Variants in LYZL1 observed in about 807,000 individuals in gnomAD.
LYZL1 encodes the protein lysozyme-like protein 1.
In LYZL1, 16 loss-of-function variants were observed where a neutral mutation model predicts 17.9. That is an observed-to-expected ratio of 0.90 (90% confidence interval 0.61 to 1.36). The LOEUF (loss-of-function observed/expected upper bound fraction) is 1.36. LYZL1 is among the 40% of genes most tolerant of loss of function. The pLI, the probability that LYZL1 is intolerant of heterozygous loss-of-function variation, is 0.00. For missense variants in LYZL1, 149 were observed against 188.4 expected (o/e 0.79, Z 1.22); for synonymous variants, 58 against 71.8 (o/e 0.81, Z 0.97).
intron 3 of LYZL1, among the ~76,000 whole-genome samples, chr10:29,309,195 G>A (rs563586900): frequency 5.9e-4 from 89 of 152,028 alleles, no homozygotes; most frequent in African/African-American, 1.6e-3. Context: ...CCAGCATGGT[G>A]GCACACACCT....
chr10:29,312,204 C>T (rs6481576), downstream of LYZL1, among the ~76,000 whole-genome samples: 15,155 of 152,024 alleles, frequency 0.1, 984 homozygotes, highest in African/African-American at 0.19. Context: ...TCTAATGGGT[C>T]CAAACAGATA....
At chr10:29,295,615 C>T (rs1835436657) in intron 3 of LYZL1, among the ~76,000 whole-genome samples, 1 of 152,160 alleles carries the variant, frequency 6.6e-6, no homozygotes, top group Non-Finnish European at 1.5e-5. Flanking sequence ...AGGAACTTTG[C>T]AGATGTGAGG....
chr10:29,290,098 GT>G (rs1177663158), intron 1 of LYZL1, among the ~76,000 whole-genome samples: 1 of 152,096 alleles, frequency 6.6e-6, no homozygotes, highest in African/African-American at 2.4e-5. Flanking sequence ...ACTTATCCCT[GT>G]TTTGGGCCTA....
intron 3 of LYZL1, among the ~76,000 whole-genome samples, chr10:29,299,809 G>T (rs1576079): frequency 0.4 from 60,397 of 151,882 alleles, 12,452 homozygotes; most frequent in East Asian, 0.53. Flanking sequence ...AACCCATCTG[G>T]GTCTTTATAT....
chr10:29,296,520 T>C (rs1320522620), intron 3 of LYZL1, among the ~76,000 whole-genome samples: 1 of 152,214 alleles, frequency 6.6e-6, no homozygotes, highest in Non-Finnish European at 1.5e-5. Context: ...TCACTCACCC[T>C]GGCAGAATAC....
At chr10:29,307,584 C>A (rs1455089599) in intron 3 of LYZL1, among the ~76,000 whole-genome samples, 1 of 152,206 alleles carries the variant, frequency 6.6e-6, no homozygotes, top group Non-Finnish European at 1.5e-5. Context: ...ATACAGCTCT[C>A]AATGGATATT....
chr10:29,305,510 T>G (rs1835577575), intron 3 of LYZL1, among the ~76,000 whole-genome samples: 1 of 152,128 alleles, frequency 6.6e-6, no homozygotes, highest in African/African-American at 2.4e-5. Context: ...CTGATGGAGA[T>G]TTTGCGTGAA....
intron 1 of LYZL1, among the ~76,000 whole-genome samples, chr10:29,289,819 A>T (rs1190818718): frequency 6.6e-6 from 1 of 152,184 alleles, no homozygotes; most frequent in Non-Finnish European, 1.5e-5. Flanking sequence ...GCCAGATAAT[A>T]ATATGTTAGG....
rs1835665273 is a variant in LYZL1, at chr10:29,311,063, G to A, written c.*4G>A. The A allele has an allele frequency of 8.7e-6, 14 of 1,614,202 alleles. No individual in the cohort carries two copies. The highest frequency in any genetic ancestry group is 1.2e-5 in the Non-Finnish European group (14 of 1,180,028). On this transcript the variant is annotated 3_prime_UTR_variant, in exon 5 of 5. Transcript: ENST00000649382. ...AAAAGGCTGTGAGGTTTCCTAAACT[G>A]GAACTGGACCCAGGATGCTTTGCAG...
rs370212397 is a variant in LYZL1 at position 29,310,079 on chromosome 10, G to A, written c.299-31G>A. 2.0e-5 allele frequency: 31 copies of A among 1,538,442 alleles called. 1 individual carries two copies. Among genetic ancestry groups the A allele is most frequent in the East Asian group, 4.5e-5 (2 of 44,238 alleles). On this transcript the variant is annotated intron_variant, in intron 3 of 4. Coordinates refer to ENST00000649382, the MANE Select transcript of LYZL1 (RefSeq NM_032517.6). Reference sequence around the variant, plus strand: ...GGTCCCTCTCCAACAACAAAGTCTCGCCTAACCCTGATGTCTTCTCTCTTT... The same window carrying A: ...GGTCCCTCTCCAACAACAAAGTCTCACCTAACCCTGATGTCTTCTCTCTTT...
Position 29,316,970 on chromosome 10 carries a change from A to C in LYZL1, c.*-340A>C, listed in dbSNP as rs78049329. Among the ~76,000 whole-genome samples, 52 of 152,180 alleles carry C rather than the reference A, an allele frequency of 3.4e-4. No homozygotes were observed. In the East Asian group the frequency reaches 9.8e-3, roughly 29 times the overall value. On this transcript the variant is annotated intron_variant and NMD_transcript_variant, in intron 3 of 4. Coordinates refer to the LYZL1 transcript ENST00000494304. ...TGGGCTCAAGCGATCCTCCCACCTC[A>C]GCCTTCCAAATTGCTGGGGTTAAAG...
chr10:29,316,708 TTTTTTTTTTTC>T (rs1835736895), intron 3 of LYZL1, among the ~76,000 whole-genome samples: 1 of 101,122 alleles, frequency 9.9e-6, no homozygotes, highest in Admixed American at 9.5e-5. Context: ...TTCCTTTTCC[TTTTTTTTTTTC>T]TTTTTTTTTT....
chr10:29,304,974 G>A (rs1239060392), intron 3 of LYZL1, among the ~76,000 whole-genome samples: 2 of 151,908 alleles, frequency 1.3e-5, no homozygotes, highest in East Asian at 1.9e-4. Context: ...ATCCTTACAG[G>A]GCATCCACAA....
chr10:29,308,722 GCCA>G (rs1835631008), intron 3 of LYZL1, among the ~76,000 whole-genome samples: 1 of 152,226 alleles, frequency 6.6e-6, no homozygotes, highest in South Asian at 2.1e-4. Context: ...CACTTTGGGA[GCCA>G]AGGCAGGAGG....
intron 3 of LYZL1, among the ~76,000 whole-genome samples, chr10:29,304,916 G>C (rs534011049): frequency 6.6e-6 from 1 of 152,272 alleles, no homozygotes; most frequent in African/African-American, 2.4e-5. Flanking sequence ...ACAAACAACT[G>C]TACTCGGTGT....
chr10:29,312,974 A>G (rs907351924), downstream of LYZL1, among the ~76,000 whole-genome samples: 4 of 152,140 alleles, frequency 2.6e-5, no homozygotes, highest in African/African-American at 9.6e-5. Context: ...AGACTGATGG[A>G]TACTGTGACA....
downstream of LYZL1, among the ~76,000 whole-genome samples, chr10:29,312,295 T>A (rs546974581): frequency 3.3e-5 from 5 of 152,246 alleles, no homozygotes; most frequent in Admixed American, 1.3e-4. Context: ...GTCAAACCCA[T>A]GGCCTATGAG....
At chr10:29,290,402 G>A (rs1374580788) in intron 1 of LYZL1, among the ~76,000 whole-genome samples, 1 of 152,154 alleles carries the variant, frequency 6.6e-6, no homozygotes, top group African/African-American at 2.4e-5. Flanking sequence ...TTGCCCCTCT[G>A]CTCCCCCAGG....
At chr10:29,312,471 A>C (rs1418596318), downstream of LYZL1, among the ~76,000 whole-genome samples, 1 of 152,118 alleles carries the variant, frequency 6.6e-6, no homozygotes. Context: ...AATATGGCCC[A>C]GGGAAGCCAA....
Sources: allele counts gnomAD v4.1 joint callset (sites outside exome capture counted in the v4.1 genomes callset), GRCh38; gene constraint gnomAD v4.1.1; transcripts MANE v1.5; gene names NCBI Gene and HGNC (gene_info 2026-07-23, HGNC 2026-07-21).